Variants in ZNF700 observed in about 807,000 individuals in gnomAD.
ZNF700 encodes zinc finger protein 700.
A neutral mutation model predicts 65.3 loss-of-function variants in ZNF700; 38 were observed. The ratio of observed to expected loss-of-function variants is 0.58; its 90% CI spans 0.45 to 0.76. The LOEUF (loss-of-function observed/expected upper bound fraction) is 0.76. Ranked by LOEUF, ZNF700 falls within the 30% of genes least tolerant of loss-of-function variation. The pLI, the probability that ZNF700 is intolerant of heterozygous loss-of-function variation, is 0.00. For synonymous variants in ZNF700, 285 were observed against 290.4 expected, an observed-to-expected ratio of 0.98 and a Z score of 0.19; for missense variants, 857 against 888.4, an observed-to-expected ratio of 0.96 and a Z score of 0.45.
At position 11,950,152 on chromosome 19, in the gene ZNF700, G is replaced by A. The variant is rs746807438; in HGVS notation, c.2128G>A (p.Gly710Arg). Reference protein sequence around the residue: ...GEKHYECKECGKAFNYFSSLH... With the variant: ...GEKHYECKECRKAFNYFSSLH... ...GAAACACTATGAATGTAAGGAATGC[G>A]GAAAAGCATTCAATTATTTTTCTTC... The change falls in exon 4 of 4, where the codon GGA becomes AGA. Residue 710 changes from glycine to arginine, a missense_variant. Around this residue, in one of 3 missense-constraint regions of ZNF700, gnomAD observed 251 missense variants for 250.3 expected, o/e 1.00. Transcript: ENST00000254321. The A allele has an allele frequency of 7.9e-5, 127 of 1,613,722 alleles. No homozygotes were observed. Among genetic ancestry groups the A allele is most frequent in the African/African-American group, 1.5e-4 (11 of 74,874 alleles).
chr19:11,948,510 G>A lies in ZNF700; in HGVS notation c.486G>A (p.Lys162=). ...ATGAGTATCAGGAATATGGACCAAA[G>A]CCATATAAGTGTCAACAACCTAAAA... is the stretch of plus-strand genomic sequence containing the variant. ...KAYEYQEYGP[K]PYKCQQPKNK... The change falls in exon 4 of 4, where the codon AAG becomes AAA. Residue 162 remains lysine (K), a synonymous_variant. Transcript: ENST00000254321. 1 of 1,613,174 alleles carries A rather than the reference G, an allele frequency of 6.2e-7. No homozygotes were observed. Among genetic ancestry groups the A allele is most frequent in the Non-Finnish European group, 8.5e-7 (1 of 1,179,834 alleles).
rs765660904 is a variant in ZNF700 at position 11,949,935 on chromosome 19, G to A, written c.1911G>A (p.Met637Ile). The A allele has an allele frequency of 6.2e-7, 1 of 1,612,780 alleles. No individual in the cohort carries two copies. The highest frequency in any genetic ancestry group is 8.5e-7 in the Non-Finnish European group (1 of 1,179,702). ...TCAGATCTGCCTCAAACCTTCAGATGCATGAAAGGACTCACACTGGAGAGA... is the reference window on the plus strand; with the variant it reads ...TCAGATCTGCCTCAAACCTTCAGATACATGAAAGGACTCACACTGGAGAGA... ...KAFRSASNLQ[M>I]HERTHTGEKP... Residue 637 changes from methionine to isoleucine, a missense_variant, in exon 4 of 4, where the codon ATG becomes ATA. By Grantham distance (10) the Met-to-Ile change is conservative (BLOSUM62 1). Transcript: ENST00000254321.
At chr19:11,929,235 C>T (rs1599277802) in intron 1 of ZNF700, among the ~76,000 whole-genome samples, 1 of 148,560 alleles carries the variant, frequency 6.7e-6, no homozygotes, top group African/African-American at 2.6e-5. Flanking sequence ...GCGATCTCAG[C>T]TCACTGCAGC....
At chr19:11,941,562 G>A (rs1440264218) in intron 1 of ZNF700, among the ~76,000 whole-genome samples, 5 of 152,218 alleles carry the variant, frequency 3.3e-5, no homozygotes, top group Non-Finnish European at 5.9e-5. Flanking sequence ...CATTGCCCAG[G>A]GCCAGCAGGG....
chr19:11,940,757 C>T (rs540122590), intron 1 of ZNF700, among the ~76,000 whole-genome samples: 37 of 152,108 alleles, frequency 2.4e-4, no homozygotes, highest in East Asian at 1.5e-3. Flanking sequence ...TTGGTATAGC[C>T]GAGTGGTCTG....
At chr19:11,927,211 G>A (rs899318147) in intron 1 of ZNF700, among the ~76,000 whole-genome samples, 3 of 151,936 alleles carry the variant, frequency 2.0e-5, no homozygotes, top group South Asian at 2.1e-4. Context: ...AAAATTAGCC[G>A]GGTGTGGTGG....
chr19:11,939,266 A>G (rs1972843253), intron 1 of ZNF700, among the ~76,000 whole-genome samples: 1 of 152,144 alleles, frequency 6.6e-6, no homozygotes, highest in Admixed American at 6.6e-5. Flanking sequence ...TTTTGTTGCC[A>G]TTGCTTTTGG....
Position 11,949,228 on chromosome 19 carries a change from T to C in ZNF700, c.1204T>C (p.Ser402Pro), listed in dbSNP as rs1278617486. ...CKQCGKAFNL[S>P]SSFRYHERIH... is the part of the protein sequence containing the mutation. ...GCAATGTGGTAAAGCCTTCAATCTTTCCAGTTCCTTTCGATATCATGAAAG... is the reference window on the plus strand; with the variant it reads ...GCAATGTGGTAAAGCCTTCAATCTTCCCAGTTCCTTTCGATATCATGAAAG... Residue 402 changes from serine to proline, a missense_variant, in exon 4 of 4, where the codon TCC (serine) becomes CCC (proline). This residue lies in a region of ZNF700 where 603 missense variants were observed against 619.9 expected (regional missense o/e 0.97). Transcript: ENST00000254321. 6.2e-7 allele frequency: 1 copy of C among 1,613,762 alleles called. No homozygotes were observed. Among genetic ancestry groups the C allele is most frequent in the Non-Finnish European group, 8.5e-7 (1 of 1,179,870 alleles).
At chr19:11,942,879 G>A (rs1972907045) in intron 1 of ZNF700, among the ~76,000 whole-genome samples, 1 of 152,274 alleles carries the variant, frequency 6.6e-6, no homozygotes, top group African/African-American at 2.4e-5. Context: ...TGAGGTATGA[G>A]ACAATAAGAG....
chr19:11,925,315 T>G (rs576634251), intron 1 of ZNF700, 42 bp downstream of exon 1: 1 of 1,605,618 alleles, frequency 6.2e-7, no homozygotes, highest in South Asian at 1.1e-5. Context: ...GGGGAGGGGC[T>G]GCCTGGAACA....
intron 1 of ZNF700, chr19:11,946,922 C>T (rs1231484755): frequency 5.1e-5 from 29 of 568,222 alleles, no homozygotes; most frequent in Non-Finnish European, 7.5e-5. Context: ...ATCGCTTGAA[C>T]CCCGGTGGTG....
chr19:11,940,547 G>A (rs150712155), intron 1 of ZNF700, among the ~76,000 whole-genome samples: 1,746 of 151,548 alleles, frequency 0.012, 25 homozygotes, highest in Non-Finnish European at 0.014. Context: ...GGCTTCAGGA[G>A]TGAAGCTGCA....
chr19:11,933,811 C>T (rs1972749229), intron 1 of ZNF700, among the ~76,000 whole-genome samples: 2 of 144,048 alleles, frequency 1.4e-5, no homozygotes, highest in South Asian at 4.3e-4. Context: ...CGCCACTGCA[C>T]TCTAGCCTGG....
rs887082868 is a variant in ZNF700 at position 11,948,177 on chromosome 19, T to G, written c.252-99T>G. 15 of 1,382,714 alleles carry G rather than the reference T, an allele frequency of 1.1e-5. No individual in the cohort carries two copies. The African/African-American group carries it at 2.2e-4, about 20-fold the overall frequency. 85.7% of individuals were successfully genotyped at this position (1,382,714 alleles called of 1,614,324 possible). ...TTCAGACAGGGCAGAAAGCCTACAC[T>G]TTGATGGACAGTGTTAAAAATGCAA... On this transcript the variant is annotated intron_variant, in intron 3 of 3. Coordinates refer to ENST00000254321, the MANE Select transcript of ZNF700 (RefSeq NM_144566.3).
chr19:11,935,676 C>A (rs984491366), intron 1 of ZNF700, among the ~76,000 whole-genome samples: 2 of 152,252 alleles, frequency 1.3e-5, no homozygotes, highest in Admixed American at 1.3e-4. Flanking sequence ...TTAACAAAGT[C>A]ATTTCCAAAA....
At position 11,932,188 on chromosome 19, in the gene ZNF700, C is replaced by G. The variant is rs1359491238; in HGVS notation, c.63+6915C>G. 2.1e-5 allele frequency among the ~76,000 whole-genome samples: 3 copies of G among 145,814 alleles called. 1 individual carries two copies. The highest frequency in any genetic ancestry group is 4.4e-5 in the Non-Finnish European group (3 of 67,572). On this transcript the variant is annotated intron_variant, in intron 1 of 3. Coordinates refer to ENST00000254321, the MANE Select transcript of ZNF700 (RefSeq NM_144566.3). ...GGCAACATGGCAAACCTTGTCTATACAAAAACTTACCTGGTCATGGTGATG... is the reference window on the plus strand; with the variant it reads ...GGCAACATGGCAAACCTTGTCTATAGAAAAACTTACCTGGTCATGGTGATG...
In ZNF700 at chr19:11,927,896, C is replaced by G. The variant is rs113431263; in HGVS notation, c.63+2623C>G. The stretch of plus-strand genomic sequence containing the variant: ...GAGCTGAACTTAAATTGGTGTTACT[C>G]TGGCTCCCCTAGGCACCTGCTTCCC... On this transcript the variant is annotated intron_variant, in intron 1 of 3. Coordinates refer to ENST00000254321, the MANE Select transcript of ZNF700 (RefSeq NM_144566.3). 6.2e-3 allele frequency among the ~76,000 whole-genome samples: 949 copies of G among 152,288 alleles called. 9 individuals carry two copies. Among genetic ancestry groups the G allele is most frequent in the African/African-American group, 0.022 (898 of 41,556 alleles).
chr19:11,931,735 T>G (rs1342744590), intron 1 of ZNF700, among the ~76,000 whole-genome samples: 3 of 148,784 alleles, frequency 2.0e-5, no homozygotes, highest in African/African-American at 7.8e-5. Context: ...TATTGCATTT[T>G]ATACTGATGT....
intron 1 of ZNF700, among the ~76,000 whole-genome samples, chr19:11,941,529 G>T (rs913972371): frequency 6.6e-6 from 1 of 152,210 alleles, no homozygotes. Context: ...CTCTGCAGCC[G>T]CTGGCCCAGG....
Sources: gnomAD v4.1 joint callset for allele counts (sites outside exome capture counted in the v4.1 genomes callset) on GRCh38, gnomAD v4.1.1 for gene constraint, gnomAD v4.1.1 regional missense constraint, MANE v1.5 for transcripts, NCBI Gene and HGNC (gene_info 2026-07-23, HGNC 2026-07-21) for gene names.